The following AKT3 variants were observed in gnomAD, a reference collection of about 807,000 sequenced individuals.
AKT3 encodes the protein RAC-gamma serine/threonine-protein kinase.
In AKT3, 15 loss-of-function variants were observed where a neutral mutation model predicts 65.3. The ratio of observed to expected loss-of-function variants is 0.23; its 90% CI spans 0.15 to 0.35. The LOEUF (loss-of-function observed/expected upper bound fraction) is 0.35. Among genes scored for constraint, AKT3 ranks in the 10% least tolerant of loss-of-function variants. The pLI is 1.00. For missense variants in AKT3, 243 were observed against 576.5 expected, an observed-to-expected ratio of 0.42 and a Z score of 5.92; for synonymous variants, 206 against 183.8, an observed-to-expected ratio of 1.12 and a Z score of -0.98.
chr1:243,496,787 C>T (rs1668023580), downstream of AKT3, among the ~76,000 whole-genome samples: 1 of 152,244 alleles, frequency 6.6e-6, no homozygotes, highest in Non-Finnish European at 1.5e-5. Flanking sequence ...ACACTCAGAA[C>T]TTAACAAACT....
chr1:243,583,170 G>C (rs2926014), intron 8 of AKT3, among the ~76,000 whole-genome samples: 1 of 118,594 alleles, frequency 8.4e-6, no homozygotes, highest in Non-Finnish European at 1.7e-5. Context: ...ATATGTGTGT[G>C]TATATATATA....
At position 243,504,623 on chromosome 1, in the gene AKT3, TA is replaced by T. The variant is rs60854028; in HGVS notation, c.*625del. ...TCTTCTACAGTATCCACCAGGAATT[TA>T]AAAAAAAAAAATTATATATATATAT... On this transcript the variant is annotated 3_prime_UTR_variant, in exon 14 of 14. Coordinates refer to ENST00000673466, the MANE Select transcript of AKT3 (RefSeq NM_005465.7). 0.023 allele frequency: 3,832 copies of T among 163,296 alleles called. 65 individuals are homozygous for T. The highest frequency in any genetic ancestry group is 0.064 in the African/African-American group (2,569 of 40,092). The allele number at this position is 163,296 out of a possible 1,614,324, so 10.1% of individuals were successfully genotyped here. A position where few individuals can be genotyped will look rare whatever the true frequency, so the allele number is the denominator to read the frequency against.
At chr1:243,787,446 T>A (rs1276712971) in intron 2 of AKT3, among the ~76,000 whole-genome samples, 1 of 152,302 alleles carries the variant, frequency 6.6e-6, no homozygotes, top group Admixed American at 6.5e-5. Context: ...GATATAGCTG[T>A]TTCCTGGTCC....
At chr1:243,572,051 A>G (rs562264078) in intron 9 of AKT3, among the ~76,000 whole-genome samples, 1 of 152,346 alleles carries the variant, frequency 6.6e-6, no homozygotes, top group Non-Finnish European at 1.5e-5. Flanking sequence ...TTTATACACA[A>G]TTTGCTTCTT....
chr1:243,499,753 C>T lies in AKT3; in HGVS notation c.*5496G>A, dbSNP rs2148331462. 1 of 1,610,444 alleles carries T rather than the reference C, an allele frequency of 6.2e-7. No homozygotes were observed. Among genetic ancestry groups the T allele is most frequent in the Non-Finnish European group, 8.5e-7 (1 of 1,176,948 alleles). ...GAAACTTACTTTTTATTATTTTTTC[C>T]AGTTACCCAGCATGCCACAATCTGA... On this transcript the variant is annotated 3_prime_UTR_variant, in exon 14 of 14. Transcript: ENST00000673466.
intron 2 of AKT3, among the ~76,000 whole-genome samples, chr1:243,792,711 A>G (rs896876119): frequency 6.6e-6 from 1 of 152,188 alleles, no homozygotes; most frequent in Non-Finnish European, 1.5e-5. Flanking sequence ...TGTGTACAAC[A>G]CCAAGAGATC....
chr1:243,714,435 T>G (rs1686370661), intron 2 of AKT3, among the ~76,000 whole-genome samples: 1 of 152,178 alleles, frequency 6.6e-6, no homozygotes, highest in Non-Finnish European at 1.5e-5. Context: ...TTTTGAAAAT[T>G]CCAACAGAAT....
At chr1:243,577,944 C>T (rs6681024) in intron 8 of AKT3, among the ~76,000 whole-genome samples, 118,039 of 152,170 alleles carry the variant, frequency 0.78, 46,848 homozygotes, top group Non-Finnish European at 0.86. Flanking sequence ...AAGCTCAACA[C>T]CACTGATCAT....
intron 3 of AKT3, among the ~76,000 whole-genome samples, chr1:243,692,143 G>C (rs1018699057): frequency 2.0e-5 from 3 of 152,168 alleles, no homozygotes; most frequent in African/African-American, 7.2e-5. Flanking sequence ...CTTAGCATTT[G>C]AGAAAACAGC....
chr1:243,796,971 G>C (rs1692058751), intron 2 of AKT3, among the ~76,000 whole-genome samples: 1 of 152,090 alleles, frequency 6.6e-6, no homozygotes, highest in Non-Finnish European at 1.5e-5. Flanking sequence ...GCTGAGAGGA[G>C]AGAGAAAATA....
chr1:243,520,461 C>G (rs1344381184), intron 12 of AKT3, among the ~76,000 whole-genome samples: 1 of 152,200 alleles, frequency 6.6e-6, no homozygotes, highest in African/African-American at 2.4e-5. Context: ...CCTATTTCAG[C>G]TTTAAACCAG....
intron 3 of AKT3, among the ~76,000 whole-genome samples, chr1:243,667,986 C>T (rs181499527): frequency 5.7e-4 from 87 of 152,262 alleles, no homozygotes; most frequent in African/African-American, 2.0e-3. Flanking sequence ...CAATCTGCAC[C>T]CCTTACCTAG....
intron 12 of AKT3, among the ~76,000 whole-genome samples, chr1:243,544,859 T>C (rs1464900293): frequency 1.3e-5 from 2 of 151,642 alleles, no homozygotes; most frequent in Non-Finnish European, 2.9e-5. Context: ...CCACGCCCAG[T>C]TGATTTTTTT....
chr1:243,492,818 G>A (rs2148290314), intron 13 of AKT3, among the ~76,000 whole-genome samples: 1 of 151,970 alleles, frequency 6.6e-6, no homozygotes, highest in African/African-American at 2.4e-5. Flanking sequence ...CGTAGGCCAG[G>A]CTGGTCTCGA....
chr1:243,703,311 TATA>T (rs1269429338), intron 2 of AKT3, among the ~76,000 whole-genome samples: 1 of 152,144 alleles, frequency 6.6e-6, no homozygotes, highest in African/African-American at 2.4e-5. Context: ...TGACAATAAA[TATA>T]ATAAGACATT....
At chr1:243,567,416 T>C (rs1335064408) in intron 9 of AKT3, among the ~76,000 whole-genome samples, 1 of 149,770 alleles carries the variant, frequency 6.7e-6, no homozygotes, top group African/African-American at 2.5e-5. Context: ...CAACTGATCC[T>C]CCCACCTCAG....
At chr1:243,728,873 A>G (rs1687375021) in intron 2 of AKT3, among the ~76,000 whole-genome samples, 1 of 152,164 alleles carries the variant, frequency 6.6e-6, no homozygotes, top group Admixed American at 6.5e-5. Flanking sequence ...TCCTTAGGGA[A>G]AGGAGTCCTC....
At chr1:243,561,729 G>A (rs1673798374) in intron 10 of AKT3, among the ~76,000 whole-genome samples, 1 of 152,142 alleles carries the variant, frequency 6.6e-6, no homozygotes, top group South Asian at 2.1e-4. Context: ...GAGGGGAAAT[G>A]GAGCACCAGC....
At chr1:243,488,953 C>T (rs1252401331) in intron 13 of AKT3, 8 of 1,611,942 alleles carry the variant, frequency 5.0e-6, no homozygotes, top group South Asian at 1.1e-5. Flanking sequence ...ACACACAGCC[C>T]CTGGGCCTGT....
Sources: allele counts gnomAD v4.1 joint callset (sites outside exome capture counted in the v4.1 genomes callset), GRCh38; gene constraint gnomAD v4.1.1; transcripts MANE v1.5; gene names NCBI Gene and HGNC (gene_info 2026-07-23, HGNC 2026-07-21).